Variants in PPP3R1 observed in about 807,000 individuals in gnomAD.
PPP3R1 encodes calcineurin subunit B type 1.
PPP3R1 carries 5 observed loss-of-function variants against 22.6 expected under a neutral mutation model. That is an observed-to-expected ratio of 0.22 (90% CI 0.12 to 0.46). The LOEUF (loss-of-function observed/expected upper bound fraction) is 0.46, where lower values mean the gene tolerates loss of function less well. PPP3R1 is among the 20% of genes least tolerant of loss of function. The pLI, the probability that PPP3R1 is intolerant of heterozygous loss-of-function variation, is 0.99. For missense variants in PPP3R1, 61 were observed against 203.2 expected (o/e 0.30, Z 4.25); for synonymous variants, 56 against 65.2 (o/e 0.86, Z 0.68).
intron 1 of PPP3R1, among the ~76,000 whole-genome samples, chr2:68,235,181 C>A (rs556063993): frequency 7.2e-5 from 11 of 152,250 alleles, no homozygotes; most frequent in African/African-American, 2.6e-4. Flanking sequence ...GGTCAATAAG[C>A]CTACCACCTG....
In PPP3R1 at chr2:68,252,298, G is replaced by A; in HGVS notation, c.-171C>T. 1.8e-5 allele frequency: 19 copies of A among 1,029,376 alleles called. No individual in the cohort carries two copies. Among genetic ancestry groups the A allele is most frequent in the Non-Finnish European group, 2.2e-5 (19 of 859,880 alleles). The allele number at this position is 1,029,376 out of a possible 1,614,324, so 63.8% of individuals were successfully genotyped here. ...GCGCCGCGGGGCCCGCGCCGGCCGG[G>A]CGATTGGGCACGCGAGGGAGCGGGC... On this transcript the variant is annotated 5_prime_UTR_variant, in exon 1 of 6. Transcript: ENST00000234310.
chr2:68,251,864 A>G (rs1670366279), intron 1 of PPP3R1, among the ~76,000 whole-genome samples: 1 of 136,682 alleles, frequency 7.3e-6, no homozygotes, highest in East Asian at 2.3e-4. Flanking sequence ...GGGTGGGGCG[A>G]CGGCGGGGCG....
chr2:68,224,529 T>C (rs560895317), intron 1 of PPP3R1, among the ~76,000 whole-genome samples: 155 of 152,160 alleles, frequency 1.0e-3, no homozygotes, highest in Admixed American at 1.8e-3. Context: ...CCGGGCGTGG[T>C]GGCAGGCGCC....
intron 4 of PPP3R1, 115 bp downstream of exon 4, chr2:68,187,140 T>C (rs1674562723): frequency 6.0e-6 from 5 of 829,164 alleles, no homozygotes; most frequent in African/African-American, 3.5e-5. Flanking sequence ...ATTTCAGTTA[T>C]GTCTAAGGAT....
chr2:68,186,751 A>G (rs1466497721), intron 4 of PPP3R1, 99 bp from the exon 5 acceptor site: 2 of 1,111,088 alleles, frequency 1.8e-6, no homozygotes, highest in African/African-American at 1.6e-5. Context: ...CATCAAAATT[A>G]TGACTATGAG....
chr2:68,180,943 G>T lies in PPP3R1; in HGVS notation c.*20C>A. On this transcript the variant is annotated 3_prime_UTR_variant, in exon 6 of 6. Coordinates refer to ENST00000234310, the MANE Select transcript of PPP3R1 (RefSeq NM_000945.4). The stretch of plus-strand genomic sequence containing the variant: ...ATGGAGAAGAAAGCAAAAGTGTTGG[G>T]TGGTACTCTCTGATAAGAGTCACAC... 1.9e-6 allele frequency: 3 copies of T among 1,606,682 alleles called. No homozygotes were observed. The highest frequency in any genetic ancestry group is 2.6e-6 in the Non-Finnish European group (3 of 1,173,536).
intron 2 of PPP3R1, among the ~76,000 whole-genome samples, chr2:68,216,749 G>A (rs1669586764): frequency 1.3e-5 from 2 of 152,134 alleles, no homozygotes; most frequent in South Asian, 4.1e-4. Flanking sequence ...CTGGATCACT[G>A]AGTCACCAAA....
At chr2:68,242,791 T>C (rs1670159828) in intron 1 of PPP3R1, among the ~76,000 whole-genome samples, 2 of 152,328 alleles carry the variant, frequency 1.3e-5, no homozygotes, top group Admixed American at 1.3e-4. Flanking sequence ...CTCAGGAGGA[T>C]ATGAAAGAAA....
Position 68,252,494 on chromosome 2 carries a change from C to G in PPP3R1, c.-367G>C. The stretch of plus-strand genomic sequence containing the variant: ...GCTCGCGCCGGAGCCGTGACGGACT[C>G]ACTGCAGCGGCTCGCGCTGACCCGC... On this transcript the variant is annotated 5_prime_UTR_variant, in exon 1 of 6. Transcript: ENST00000234310. The G allele has an allele frequency of 1.0e-6, 1 of 986,454 alleles. No homozygotes were observed. The highest frequency in any genetic ancestry group is 1.1e-4 in the East Asian group (1 of 8,870). The allele number at this position is 986,454 out of a possible 1,614,324, so 61.1% of individuals were successfully genotyped here. A position where few individuals can be genotyped will look rare whatever the true frequency, so the allele number is the denominator to read the frequency against.
chr2:68,196,624 G>A (rs1674779770), intron 2 of PPP3R1, among the ~76,000 whole-genome samples: 1 of 151,970 alleles, frequency 6.6e-6, no homozygotes, highest in South Asian at 2.1e-4. Context: ...AGTCTTTTTG[G>A]AGCTCCTAGA....
At chr2:68,187,125 G>A in intron 4 of PPP3R1, 130 bp downstream of exon 4, 1 of 710,692 alleles carries the variant, frequency 1.4e-6, no homozygotes, top group Non-Finnish European at 2.2e-6. Context: ...TCACCAGAAT[G>A]TAAAATTTCA....
At chr2:68,186,686 C>A (rs376707425) in intron 4 of PPP3R1, 34 bp from the exon 5 acceptor site, 62 of 1,519,892 alleles carry the variant, frequency 4.1e-5, no homozygotes, top group Non-Finnish European at 5.2e-5. Context: ...ATTCCAATTA[C>A]AAAGCAATCA....
intron 1 of PPP3R1, among the ~76,000 whole-genome samples, chr2:68,249,528 T>C (rs774623210): frequency 2.6e-5 from 4 of 152,214 alleles, no homozygotes; most frequent in Non-Finnish European, 5.9e-5. Context: ...CTTTATATTA[T>C]GTTCATTTAA....
Position 68,198,239 on chromosome 2 carries a change from A to G in PPP3R1, c.44-9549T>C, listed in dbSNP as rs559214055. ...ATATACATTTTACATATATGTATAC[A>G]CATATGTACATACATATGTATACAT... On this transcript the variant is annotated intron_variant, in intron 2 of 5. Coordinates refer to ENST00000234310, the MANE Select transcript of PPP3R1 (RefSeq NM_000945.4). Among the ~76,000 whole-genome samples the G allele has an allele frequency of 2.5e-3, 287 of 114,972 alleles. 10 individuals are homozygous for G. The South Asian group carries it at 0.093, about 37-fold the overall frequency. The allele number at this position is 114,972 out of a possible 152,430, so 75.4% of individuals were successfully genotyped here.
intron 1 of PPP3R1, among the ~76,000 whole-genome samples, chr2:68,249,862 T>C (rs937378725): frequency 6.6e-6 from 1 of 152,242 alleles, no homozygotes; most frequent in Non-Finnish European, 1.5e-5. Context: ...TATTTCATAC[T>C]GTAAATGCTG....
intron 1 of PPP3R1, among the ~76,000 whole-genome samples, chr2:68,231,863 G>A (rs1669907810): frequency 6.6e-6 from 1 of 151,936 alleles, no homozygotes; most frequent in Non-Finnish European, 1.5e-5. Context: ...TAATGTTTTA[G>A]TGTTATTATG....
At chr2:68,232,598 TTTGTTG>T (rs560474956) in intron 1 of PPP3R1, among the ~76,000 whole-genome samples, 27 of 151,660 alleles carry the variant, frequency 1.8e-4, no homozygotes, top group Admixed American at 3.3e-4. Flanking sequence ...TTACAGTGTT[TTTGTTG>T]TTGTTGTTGT....
intron 1 of PPP3R1, among the ~76,000 whole-genome samples, chr2:68,245,889 CCTT>C (rs1670226728): frequency 6.6e-6 from 1 of 152,068 alleles, no homozygotes; most frequent in Admixed American, 6.5e-5. Flanking sequence ...ATCTTTTTCT[CCTT>C]CTCTTTCATG....
At chr2:68,251,337 A>T (rs547496398) in intron 1 of PPP3R1, among the ~76,000 whole-genome samples, 3 of 152,226 alleles carry the variant, frequency 2.0e-5, no homozygotes. Flanking sequence ...ATTCAAAAAC[A>T]ACCACTCCAA....
Sources: allele counts gnomAD v4.1 joint callset (sites outside exome capture counted in the v4.1 genomes callset), GRCh38; gene constraint gnomAD v4.1.1; transcripts MANE v1.5; gene names NCBI Gene and HGNC (gene_info 2026-07-23, HGNC 2026-07-21).